GPC6: variants seen among roughly 807,000 people sequenced by gnomAD.
GPC6 encodes the protein glypican 6.
Under a neutral mutation model 55.2 loss-of-function variants are expected in GPC6, and 14 were observed. The observed-to-expected ratio is 0.25, with a 90% confidence interval of 0.17 to 0.40. The LOEUF (loss-of-function observed/expected upper bound fraction) is 0.40. GPC6 is among the 10% of genes least tolerant of loss of function. The pLI is 1.00. For synonymous variants in GPC6, 278 were observed against 259.6 expected, an observed-to-expected ratio of 1.07 and a Z score of -0.68; for missense variants, 641 against 708.5, an observed-to-expected ratio of 0.90 and a Z score of 1.08.
At chr13:93,398,595 A>G (rs1366228570) in intron 1 of GPC6, among the ~76,000 whole-genome samples, 3 of 152,168 alleles carry the variant, frequency 2.0e-5, no homozygotes, top group Non-Finnish European at 4.4e-5. Flanking sequence ...GTATGACATT[A>G]TATTAGGGTA....
chr13:93,740,792 C>T (rs552254772), intron 2 of GPC6, among the ~76,000 whole-genome samples: 2 of 152,114 alleles, frequency 1.3e-5, no homozygotes, highest in East Asian at 3.9e-4. Flanking sequence ...AGAATAAATA[C>T]AAGACTCAAA....
chr13:93,657,296 G>T (rs1880717139), intron 2 of GPC6, among the ~76,000 whole-genome samples: 1 of 151,818 alleles, frequency 6.6e-6, no homozygotes. Flanking sequence ...AAATAAAACT[G>T]CACACCTATG....
At chr13:93,307,109 T>C (rs972172372) in intron 1 of GPC6, among the ~76,000 whole-genome samples, 4 of 152,168 alleles carry the variant, frequency 2.6e-5, no homozygotes, top group African/African-American at 7.2e-5. Context: ...TGGTAACCAA[T>C]TGTAGATTTT....
Position 93,333,783 on chromosome 13 carries a change from C to T in GPC6, c.160+106167C>T, listed in dbSNP as rs537937046. On this transcript the variant is annotated intron_variant, in intron 1 of 8. Coordinates refer to ENST00000377047, the MANE Select transcript of GPC6 (RefSeq NM_005708.5). ...AGACTCCTGGGCTCAAATGATCTGC[C>T]CACCTCAGCCGCCCAAAGTGCTTAG... Among the ~76,000 whole-genome samples, 6 of 152,202 alleles carry T rather than the reference C, an allele frequency of 3.9e-5. No homozygotes were observed. In the East Asian group the frequency reaches 1.2e-3, roughly 29 times the overall value.
At chr13:93,616,636 C>T (rs892547579) in intron 2 of GPC6, among the ~76,000 whole-genome samples, 3 of 152,018 alleles carry the variant, frequency 2.0e-5, no homozygotes, top group Non-Finnish European at 4.4e-5. Context: ...TACAATGTAA[C>T]TAAAAAATGC....
chr13:94,167,703 C>A (rs529706962), intron 4 of GPC6, among the ~76,000 whole-genome samples: 1 of 152,064 alleles, frequency 6.6e-6, no homozygotes, highest in African/African-American at 2.4e-5. Flanking sequence ...ATGAGAAGGG[C>A]TGGAAGATTT....
At chr13:93,368,483 A>G (rs191437182) in intron 1 of GPC6, among the ~76,000 whole-genome samples, 1 of 151,740 alleles carries the variant, frequency 6.6e-6, no homozygotes, top group African/African-American at 2.4e-5. Flanking sequence ...GCTTGGTTGT[A>G]AAAGGAAGGA....
At chr13:93,793,028 G>A (rs1484641467) in intron 2 of GPC6, among the ~76,000 whole-genome samples, 2 of 152,162 alleles carry the variant, frequency 1.3e-5, no homozygotes, top group East Asian at 3.9e-4. Flanking sequence ...ACTGTTGCAA[G>A]AATAATGCCG....
chr13:94,366,016 C>G (rs994780166), intron 6 of GPC6, among the ~76,000 whole-genome samples: 2 of 152,172 alleles, frequency 1.3e-5, no homozygotes, highest in Non-Finnish European at 2.9e-5. Context: ...AGCAGACTTA[C>G]TTGTCCTGGA....
At chr13:94,377,762 C>T (rs1192894305) in intron 6 of GPC6, among the ~76,000 whole-genome samples, 1 of 152,136 alleles carries the variant, frequency 6.6e-6, no homozygotes, top group African/African-American at 2.4e-5. Context: ...TTTACTGTGG[C>T]ATTATTCACA....
chr13:94,007,861 A>G (rs1310545756), intron 3 of GPC6, among the ~76,000 whole-genome samples: 1 of 152,006 alleles, frequency 6.6e-6, no homozygotes, highest in Non-Finnish European at 1.5e-5. Context: ...TCTACATGTG[A>G]ATCTAACGTA....
intron 1 of GPC6, among the ~76,000 whole-genome samples, chr13:93,233,718 C>T (rs1876139740): frequency 6.6e-6 from 1 of 152,082 alleles, no homozygotes; most frequent in African/African-American, 2.4e-5. Context: ...GTGGAAGGGG[C>T]ACAAATTTCC....
intron 4 of GPC6, among the ~76,000 whole-genome samples, chr13:94,277,980 A>G (rs541791828): frequency 7.7e-4 from 117 of 152,228 alleles, no homozygotes; most frequent in African/African-American, 2.8e-3. Flanking sequence ...AAGAATGTCA[A>G]TGGCAGTTTG....
chr13:93,978,661 C>T (rs1460511809), intron 3 of GPC6, among the ~76,000 whole-genome samples: 1 of 152,084 alleles, frequency 6.6e-6, no homozygotes, highest in Non-Finnish European at 1.5e-5. Context: ...TAGGTCTCAT[C>T]CTTCAATGTG....
chr13:94,344,146 G>A (rs60277420), intron 6 of GPC6, among the ~76,000 whole-genome samples: 14,109 of 152,178 alleles, frequency 0.093, 772 homozygotes, highest in African/African-American at 0.14. Context: ...TGTGAACCCA[G>A]GACTAAAATG....
chr13:94,161,919 C>T (rs942683369), intron 4 of GPC6, among the ~76,000 whole-genome samples: 3 of 151,950 alleles, frequency 2.0e-5, no homozygotes, highest in African/African-American at 4.8e-5. Context: ...TCTTACATGG[C>T]GGCAGGCAAG....
chr13:94,098,576 G>T (rs1240778241), intron 4 of GPC6, among the ~76,000 whole-genome samples: 1 of 152,066 alleles, frequency 6.6e-6, no homozygotes, highest in Non-Finnish European at 1.5e-5. Flanking sequence ...CCATTAAATA[G>T]GTCCATTTAA....
chr13:93,471,461 C>G (rs974172185), intron 1 of GPC6, among the ~76,000 whole-genome samples: 1 of 151,942 alleles, frequency 6.6e-6, no homozygotes, highest in Non-Finnish European at 1.5e-5. Context: ...ACCTGGGAGG[C>G]AGAGCTTGCA....
chr13:94,288,736 CAAATATATATATAATATATATAAT>C (rs1175716890), intron 5 of GPC6, among the ~76,000 whole-genome samples: 1 of 108,572 alleles, frequency 9.2e-6, no homozygotes, highest in Non-Finnish European at 1.8e-5. Context: ...ATATATATAA[CAAATATATATATAATATATATAAT>C]AAATATATAT....
Sources: gnomAD v4.1 joint callset for allele counts (sites outside exome capture counted in the v4.1 genomes callset) on GRCh38, gnomAD v4.1.1 for gene constraint, MANE v1.5 for transcripts, NCBI Gene and HGNC (gene_info 2026-07-23, HGNC 2026-07-21) for gene names.